RYR2: variants seen among roughly 807,000 people sequenced by gnomAD.
RYR2 encodes ryanodine receptor 2, also known as cardiac muscle ryanodine receptor-calcium release channel.
A neutral mutation model predicts 601.1 loss-of-function variants in RYR2; 227 were observed. That is an observed-to-expected ratio of 0.38 (90% confidence interval 0.34 to 0.42). RYR2 has a LOEUF of 0.42. Ranked by LOEUF, RYR2 falls within the 10% of genes least tolerant of loss-of-function variation. The probability of loss-of-function intolerance (pLI) is 1.00; values close to 1 mark genes in which losing one functional copy is unlikely to be tolerated. For missense variants in RYR2, 4,646 were observed against 6,156.5 expected (o/e 0.75, Z 8.21); for synonymous variants, 2,223 against 2,175.1 (o/e 1.02, Z -0.61).
At chr1:237,210,388 G>GC (rs1682440633) in intron 1 of RYR2, among the ~76,000 whole-genome samples, 1 of 151,828 alleles carries the variant, frequency 6.6e-6, no homozygotes, top group South Asian at 2.1e-4. Context: ...ACAAAGGTCT[G>GC]TTTTTTTTCT....
rs372140254 is a variant in RYR2, at chr1:237,474,201, A to ATG, written c.1708+5032_1708+5033dup. Among the ~76,000 whole-genome samples the ATG allele has an allele frequency of 2.2e-3, 316 of 141,266 alleles. 2 individuals are homozygous for ATG. Among genetic ancestry groups the ATG allele is most frequent in the East Asian group, 0.011 (48 of 4,318 alleles). The allele number at this position is 141,266 out of a possible 152,430, so 92.7% of individuals were successfully genotyped here. A position where few individuals can be genotyped will look rare whatever the true frequency, so the allele number is the denominator to read the frequency against. Reference sequence around the variant, plus strand: ...TAAATATGTATGTACGTGTGTATATATGTGTGTGTGTGTGTGTGTAGATCT... The same window carrying ATG: ...TAAATATGTATGTACGTGTGTATATATGTGTGTGTGTGTGTGTGTGTAGATCT... On this transcript the variant is annotated intron_variant, in intron 17 of 104. Transcript: ENST00000366574.
intron 71 of RYR2, among the ~76,000 whole-genome samples, chr1:237,714,448 GGA>G (rs1277910496): frequency 1.3e-5 from 2 of 152,176 alleles, no homozygotes; most frequent in Non-Finnish European, 2.9e-5. Flanking sequence ...TGGGTCATAA[GGA>G]GAGAGGGTGG....
intron 60 of RYR2, among the ~76,000 whole-genome samples, chr1:237,675,989 A>G (rs1362724574): frequency 3.9e-5 from 6 of 152,194 alleles, no homozygotes; most frequent in Non-Finnish European, 8.8e-5. Context: ...TTTTAAAAAT[A>G]TGATTCCTGA....
At chr1:237,662,033 A>G (rs1683851310) in intron 56 of RYR2, among the ~76,000 whole-genome samples, 1 of 152,014 alleles carries the variant, frequency 6.6e-6, no homozygotes, top group South Asian at 2.1e-4. Context: ...AATATTGTTT[A>G]TTATTGCTAT....
intron 2 of RYR2, among the ~76,000 whole-genome samples, chr1:237,287,357 C>G (rs1164456346): frequency 6.6e-6 from 1 of 152,168 alleles, no homozygotes; most frequent in Non-Finnish European, 1.5e-5. Flanking sequence ...GTCTACGTCT[C>G]TAGCAAGGCC....
At chr1:237,753,086 G>A (rs1692670181) in intron 80 of RYR2, among the ~76,000 whole-genome samples, 1 of 152,194 alleles carries the variant, frequency 6.6e-6, no homozygotes, top group Admixed American at 6.5e-5. Context: ...TTCTGCCCCA[G>A]AGGTCAATGT....
intron 3 of RYR2, among the ~76,000 whole-genome samples, chr1:237,340,875 G>A (rs1697711496): frequency 6.6e-6 from 1 of 152,150 alleles, no homozygotes; most frequent in Non-Finnish European, 1.5e-5. Context: ...AATATTCACT[G>A]AGCAACAATT....
In RYR2 at chr1:237,753,419, G is replaced by A. The variant is rs147290118; in HGVS notation, c.11146-2869G>A. 2.9e-3 allele frequency among the ~76,000 whole-genome samples: 447 copies of A among 152,190 alleles called. 1 individual carries two copies. Among genetic ancestry groups the A allele is most frequent in the African/African-American group, 9.9e-3 (409 of 41,520 alleles). On this transcript the variant is annotated intron_variant, in intron 80 of 104. Coordinates refer to ENST00000366574, the MANE Select transcript of RYR2 (RefSeq NM_001035.3). ...TCTTAGACAAAATGAAATAATATTA[G>A]CAATGTTATTACAAACTTCAGTTAT...
At chr1:237,285,973 C>G (rs1488332797) in intron 2 of RYR2, among the ~76,000 whole-genome samples, 1 of 152,056 alleles carries the variant, frequency 6.6e-6, no homozygotes, top group African/African-American at 2.4e-5. Flanking sequence ...TTTCAAAGAA[C>G]CAGCTTTTTG....
chr1:237,731,920 C>CACACACA, intron 77 of RYR2, 126 bp from the exon 78 acceptor site: 2 of 249,530 alleles, frequency 8.0e-6, no homozygotes, highest in Non-Finnish European at 1.5e-5. Context: ...ACACACACAC[C>CACACACA]CCACAACAGG....
intron 29 of RYR2, among the ~76,000 whole-genome samples, chr1:237,578,733 A>G (rs1673551074): frequency 2.6e-5 from 2 of 76,000 alleles, no homozygotes; most frequent in South Asian, 4.2e-4. Flanking sequence ...GAGTGGGGGC[A>G]TGTACGCTCC....
chr1:237,739,895 G>T (rs191230955), intron 79 of RYR2, among the ~76,000 whole-genome samples: 3 of 152,146 alleles, frequency 2.0e-5, no homozygotes, highest in African/African-American at 7.2e-5. Flanking sequence ...TTATGTATTC[G>T]TGCTGCCAGT....
At chr1:237,574,417 C>G (rs186201806) in intron 29 of RYR2, among the ~76,000 whole-genome samples, 8 of 152,268 alleles carry the variant, frequency 5.3e-5, no homozygotes, top group African/African-American at 7.2e-5. Flanking sequence ...GGTGTTCACA[C>G]CATTTTATAT....
intron 29 of RYR2, among the ~76,000 whole-genome samples, chr1:237,585,246 T>C (rs1249746553): frequency 6.6e-6 from 1 of 152,202 alleles, no homozygotes; most frequent in Admixed American, 6.5e-5. Context: ...CAGACTTGGA[T>C]TTATTTTCTG....
chr1:237,658,962 G>A (rs1429277954), intron 54 of RYR2, among the ~76,000 whole-genome samples: 1 of 152,134 alleles, frequency 6.6e-6, no homozygotes, highest in African/African-American at 2.4e-5. Flanking sequence ...ATGCCTACAG[G>A]TTCATGTTTA....
At chr1:237,612,824 A>G (rs749788846) in intron 36 of RYR2, among the ~76,000 whole-genome samples, 2 of 152,170 alleles carry the variant, frequency 1.3e-5, no homozygotes, top group African/African-American at 2.4e-5. Context: ...GTTTATATTA[A>G]TTGCCTGTGA....
At chr1:237,256,514 T>A (rs1409743625) in intron 1 of RYR2, among the ~76,000 whole-genome samples, 2 of 152,222 alleles carry the variant, frequency 1.3e-5, no homozygotes, top group East Asian at 3.9e-4. Flanking sequence ...TGGGGCTGGC[T>A]GTGCCCTTGA....
At chr1:237,110,719 C>T (rs2485598) in intron 1 of RYR2, among the ~76,000 whole-genome samples, 44,479 of 151,972 alleles carry the variant, frequency 0.29, 6,804 homozygotes, top group East Asian at 0.59. Context: ...TACTCTTCTG[C>T]GTCATCTCAG....
chr1:237,569,436 G>T, intron 29 of RYR2, 117 bp downstream of exon 29: 1 of 924,748 alleles, frequency 1.1e-6, no homozygotes, highest in Non-Finnish European at 1.7e-6. Flanking sequence ...AGTTGCAGCT[G>T]TAAATCGTGA....
Sources: gnomAD v4.1 joint callset for allele counts (sites outside exome capture counted in the v4.1 genomes callset) on GRCh38, gnomAD v4.1.1 for gene constraint, MANE v1.5 for transcripts, NCBI Gene and HGNC (gene_info 2026-07-23, HGNC 2026-07-21) for gene names.